SLC25A24: variants seen among roughly 807,000 people sequenced by gnomAD.
SLC25A24 encodes mitochondrial adenyl nucleotide antiporter SLC25A24.
A neutral mutation model predicts 60.7 loss-of-function variants in SLC25A24; 49 were observed. That is an observed-to-expected ratio of 0.81 (90% CI 0.64 to 1.02). The LOEUF (loss-of-function observed/expected upper bound fraction) is 1.02. Ranked by LOEUF, SLC25A24 falls within the 50% of genes least tolerant of loss-of-function variation. The pLI, the probability that SLC25A24 is intolerant of heterozygous loss-of-function variation, is 0.00. For synonymous variants in SLC25A24, 202 were observed against 200.6 expected, an observed-to-expected ratio of 1.01 and a Z score of -0.06; for missense variants, 564 against 586.3, an observed-to-expected ratio of 0.96 and a Z score of 0.39.
intron 3 of SLC25A24, among the ~76,000 whole-genome samples, chr1:108,163,526 G>C (rs573776174): frequency 1.3e-5 from 2 of 151,948 alleles, no homozygotes; most frequent in East Asian, 3.9e-4. Flanking sequence ...TTGTAAGTTG[G>C]ATTCCTAGGT....
chr1:108,153,159 C>A (rs968792226), intron 6 of SLC25A24, among the ~76,000 whole-genome samples: 1 of 152,144 alleles, frequency 6.6e-6, no homozygotes, highest in Non-Finnish European at 1.5e-5. Flanking sequence ...GCTGAAACCA[C>A]AAGAACACTA....
intron 6 of SLC25A24, among the ~76,000 whole-genome samples, chr1:108,153,891 T>G (rs916906934): frequency 6.6e-6 from 1 of 152,172 alleles, no homozygotes; most frequent in Non-Finnish European, 1.5e-5. Context: ...CATTGAGTAT[T>G]TATTTATTTT....
chr1:108,177,214 T>G (rs1274459824), intron 3 of SLC25A24, among the ~76,000 whole-genome samples: 2 of 152,026 alleles, frequency 1.3e-5, no homozygotes, highest in African/African-American at 2.4e-5. Context: ...TCTTAAGATG[T>G]TTTTTGTAAC....
At position 108,179,004 on chromosome 1, in the gene SLC25A24, C is replaced by G. The variant is rs1237399877; in HGVS notation, c.398+2937G>C. Among the ~76,000 whole-genome samples, 4 of 150,410 alleles carry G rather than the reference C, an allele frequency of 2.7e-5. No homozygotes were observed. In the South Asian group the frequency reaches 8.4e-4, roughly 32 times the overall value. On this transcript the variant is annotated intron_variant, in intron 3 of 9. Transcript: ENST00000565488. ...CAAAACCCATGGAACACAGTAAAAG[C>G]AATTTTAAGAGCAAAGTTTATGGCA... is the stretch of plus-strand genomic sequence containing the variant.
At chr1:108,191,613 G>A (rs911782389) in intron 1 of SLC25A24, among the ~76,000 whole-genome samples, 1 of 139,706 alleles carries the variant, frequency 7.2e-6, no homozygotes, top group African/African-American at 2.5e-5. Context: ...GCTCAAACTA[G>A]AACTGACCCA....
At chr1:108,180,674 T>C (rs28692963) in intron 3 of SLC25A24, among the ~76,000 whole-genome samples, 4,094 of 145,084 alleles carry the variant, frequency 0.028, 222 homozygotes, top group African/African-American at 0.1. Flanking sequence ...CTCTGCCATA[T>C]GACAATACAG....
Position 108,193,794 on chromosome 1 carries a change from A to G in SLC25A24, c.183+6162T>C, listed in dbSNP as rs970884650. 1.4e-5 allele frequency among the ~76,000 whole-genome samples: 2 copies of G among 139,506 alleles called. 1 individual carries two copies. Among genetic ancestry groups the G allele is most frequent in the Non-Finnish European group, 3.1e-5 (2 of 63,750 alleles). 91.5% of individuals were successfully genotyped at this position (139,506 alleles called of 152,430 possible). On this transcript the variant is annotated intron_variant, in intron 1 of 9. Coordinates refer to ENST00000565488, the MANE Select transcript of SLC25A24 (RefSeq NM_013386.5). ...CTATCCTTCAGCTGTTAGTGGCTGG[A>G]TTGGAAAGATGATCTCAAAATAGGC... is the stretch of plus-strand genomic sequence containing the variant.
intron 1 of SLC25A24, among the ~76,000 whole-genome samples, chr1:108,187,782 A>T (rs1648183244): frequency 6.6e-6 from 1 of 151,766 alleles, no homozygotes; most frequent in Admixed American, 6.6e-5. Flanking sequence ...TGAGGCGGGT[A>T]TACACTTGAT....
intron 1 of SLC25A24, among the ~76,000 whole-genome samples, chr1:108,189,775 C>T (rs2101645166): frequency 6.7e-6 from 1 of 150,098 alleles, no homozygotes; most frequent in East Asian, 2.0e-4. Context: ...AAGACTGCAC[C>T]CCTGCACTCA....
At chr1:108,141,139 C>T (rs1444098862) in intron 8 of SLC25A24, among the ~76,000 whole-genome samples, 10 of 152,062 alleles carry the variant, frequency 6.6e-5, no homozygotes, top group South Asian at 2.1e-4. Flanking sequence ...AAAGGGGTGG[C>T]CATAATTACA....
intron 6 of SLC25A24, among the ~76,000 whole-genome samples, chr1:108,150,473 C>T (rs1558010418): frequency 1.3e-5 from 2 of 152,196 alleles, no homozygotes; most frequent in Non-Finnish European, 2.9e-5. Context: ...TTTTGTCTAT[C>T]TCAGTTCTCT....
intron 3 of SLC25A24, among the ~76,000 whole-genome samples, chr1:108,172,733 A>G (rs1343814909): frequency 6.6e-6 from 1 of 152,192 alleles, no homozygotes; most frequent in Non-Finnish European, 1.5e-5. Flanking sequence ...CAAGTTTGGG[A>G]CACAAAGAGA....
intron 1 of SLC25A24, among the ~76,000 whole-genome samples, chr1:108,187,252 G>C (rs1333466440): frequency 6.6e-6 from 1 of 152,018 alleles, no homozygotes; most frequent in Non-Finnish European, 1.5e-5. Context: ...AAAGAAGAAA[G>C]ACTGGAAATC....
In SLC25A24 at chr1:108,143,641, T is replaced by C; in HGVS notation, c.1000A>G (p.Ile334Val). ...YSGIYDCAKKILKHEGLGAFY... is the reference protein window; with the variant it reads ...YSGIYDCAKKVLKHEGLGAFY... ...GCTCCCAAGCCTTCATGTTTCAAAA[T>C]CTTCTTGGCACAATCATATATTCCA... The change falls in exon 8 of 10, where the codon ATT (isoleucine) becomes GTT (valine). Residue 334 changes from isoleucine to valine, a missense_variant. Coordinates refer to ENST00000565488, the MANE Select transcript of SLC25A24 (RefSeq NM_013386.5). 6.2e-7 allele frequency: 1 copy of C among 1,613,860 alleles called. No homozygotes were observed. Among genetic ancestry groups the C allele is most frequent in the Non-Finnish European group, 8.5e-7 (1 of 1,179,814 alleles).
intron 3 of SLC25A24, among the ~76,000 whole-genome samples, chr1:108,174,096 A>G (rs2101631046): frequency 6.6e-6 from 1 of 152,370 alleles, no homozygotes; most frequent in Middle Eastern, 3.4e-3. Context: ...AAATCTGCAT[A>G]AGAAACAAGG....
intron 2 of SLC25A24, among the ~76,000 whole-genome samples, 162 bp downstream of exon 2, chr1:108,185,666 A>C: frequency 6.6e-6 from 1 of 152,236 alleles, no homozygotes; most frequent in Middle Eastern, 3.4e-3. Context: ...TTCACTAAAT[A>C]ATATAAACTC....
In SLC25A24 at chr1:108,139,184, T is replaced by C. The variant is rs763065440; in HGVS notation, c.1123A>G (p.Asn375Asp). The C allele has an allele frequency of 6.2e-7, 1 of 1,607,048 alleles. No homozygotes were observed. The highest frequency in any genetic ancestry group is 8.5e-7 in the Non-Finnish European group (1 of 1,176,946). Residue 375 changes from asparagine to aspartate, a missense_variant, in exon 9 of 10, where the codon AAT becomes GAT. By Grantham distance (23) the Asn-to-Asp change is conservative. Coordinates refer to ENST00000565488, the MANE Select transcript of SLC25A24 (RefSeq NM_013386.5). ...YELLKSYWLD[N>D]FAKDSVNPGV... is the part of the protein sequence containing the mutation. ...GGGTTTACAGAATCTTTTGCAAAAT[T>C]ATCCAGCCAATAGGACTTCAAGAGC...
chr1:108,139,358 G>A, intron 8 of SLC25A24, 150 bp from the exon 9 acceptor site: 1 of 785,348 alleles, frequency 1.3e-6, no homozygotes, highest in Non-Finnish European at 1.9e-6. Flanking sequence ...AGGAGGCGGT[G>A]ACTCTGTGGA....
At chr1:108,167,496 C>T (rs796365149) in intron 3 of SLC25A24, among the ~76,000 whole-genome samples, 2 of 152,070 alleles carry the variant, frequency 1.3e-5, no homozygotes, top group African/African-American at 4.8e-5. Context: ...TCTCCTGGTG[C>T]GCCATTTTTT....
Sources: gnomAD v4.1 joint callset for allele counts (sites outside exome capture counted in the v4.1 genomes callset) on GRCh38, gnomAD v4.1.1 for gene constraint, MANE v1.5 for transcripts, NCBI Gene and HGNC (gene_info 2026-07-23, HGNC 2026-07-21) for gene names.